Variants in ABCA8 observed in about 807,000 individuals in gnomAD.
The protein encoded by ABCA8 is ATP binding cassette subfamily A member 8.
Under a neutral mutation model 192.3 loss-of-function variants are expected in ABCA8, and 177 were observed. The ratio of observed to expected loss-of-function variants is 0.92; its 90% confidence interval spans 0.81 to 1.04. The LOEUF (loss-of-function observed/expected upper bound fraction) is 1.04. Ranked by LOEUF, ABCA8 falls within the 50% of genes least tolerant of loss-of-function variation. The probability of loss-of-function intolerance (pLI) is 0.00; values close to 1 mark genes in which losing one functional copy is unlikely to be tolerated. For missense variants in ABCA8, 1,915 were observed against 1,904.8 expected (o/e 1.01, Z -0.10); for synonymous variants, 642 against 690.2 (o/e 0.93, Z 1.09).
chr17:68,916,960 A>G (rs2067385471), intron 17 of ABCA8, among the ~76,000 whole-genome samples: 1 of 152,228 alleles, frequency 6.6e-6, no homozygotes, highest in African/African-American at 2.4e-5. Context: ...GTTTGTACAA[A>G]CACCTGTGTA....
chr17:68,920,417 TA>T (rs2067501745), intron 13 of ABCA8, among the ~76,000 whole-genome samples: 1 of 135,988 alleles, frequency 7.4e-6, no homozygotes, highest in Non-Finnish European at 1.6e-5. Context: ...TTTTAAAAAA[TA>T]AAAAAATAAA....
chr17:68,916,734 G>A (rs542858637), intron 17 of ABCA8, among the ~76,000 whole-genome samples: 15 of 152,034 alleles, frequency 9.9e-5, no homozygotes, highest in Non-Finnish European at 1.6e-4. Flanking sequence ...TTAACACCCT[G>A]GGAAGATGAG....
chr17:68,910,564 A>G (rs2067207482), intron 17 of ABCA8, among the ~76,000 whole-genome samples: 2 of 152,260 alleles, frequency 1.3e-5, no homozygotes, highest in African/African-American at 4.8e-5. Context: ...CTCAAAGCCA[A>G]TGGACTTGGG....
chr17:68,899,034 A>G (rs1249359726), intron 21 of ABCA8, among the ~76,000 whole-genome samples: 1 of 152,114 alleles, frequency 6.6e-6, no homozygotes, highest in Non-Finnish European at 1.5e-5. Flanking sequence ...TAAGTAGATT[A>G]AAATAAGATG....
chr17:68,892,228 C>T (rs1377283847), intron 23 of ABCA8, among the ~76,000 whole-genome samples: 1 of 152,154 alleles, frequency 6.6e-6, no homozygotes, highest in East Asian at 1.9e-4. Context: ...TTTGATTAAA[C>T]ACATTACTGA....
chr17:68,921,297 A>G (rs1337934679), intron 13 of ABCA8, 85 bp downstream of exon 13: 11 of 821,588 alleles, frequency 1.3e-5, no homozygotes, highest in Non-Finnish European at 2.1e-5. Context: ...ACATGTATAC[A>G]TATGTAACTA....
chr17:68,907,780 A>G lies in ABCA8; in HGVS notation c.2238T>C (p.Leu746=). 6.2e-7 allele frequency: 1 copy of G among 1,608,882 alleles called. No homozygotes were observed. The highest frequency in any genetic ancestry group is 8.5e-7 in the Non-Finnish European group (1 of 1,177,826). Residue 746 remains leucine, a synonymous_variant, in exon 18 of 40, where the codon CTT becomes CTC. Transcript: ENST00000586539. ...TTCTTTCTAAGGGTAATGTATAAAT[A>G]AGTTTTCCTTCGCTTTTGGCTGATA... The part of the protein sequence containing the change: ...AKLSAKSEGK[L]IYTLPLERTN...
chr17:68,873,389 C>T (rs557152221), intron 37 of ABCA8, among the ~76,000 whole-genome samples: 8 of 152,166 alleles, frequency 5.3e-5, no homozygotes, highest in African/African-American at 7.2e-5. Context: ...AATTGCTTAA[C>T]GACCCATTTC....
At chr17:68,877,753 T>A in intron 32 of ABCA8, 74 bp from the exon 33 acceptor site, 1 of 1,435,314 alleles carries the variant, frequency 7.0e-7, no homozygotes, top group East Asian at 2.4e-5. Flanking sequence ...CATCATTCTC[T>A]TCACGAACCT....
intron 17 of ABCA8, among the ~76,000 whole-genome samples, chr17:68,912,062 C>T (rs2067238670): frequency 1.3e-5 from 2 of 152,112 alleles, no homozygotes. Flanking sequence ...CACTGATGAA[C>T]ATCCACAAGC....
In ABCA8 at chr17:68,940,849, A is replaced by T; in HGVS notation, c.210T>A (p.Phe70Leu). ...ATACAACAGAAAATCTGGATTCATT[A>T]AATGTATCTACCCGTCCCAGGTCCA... Reference protein sequence around the residue: ...LTMDLGRVDTFNESRFSVVYT... With the variant: ...LTMDLGRVDTLNESRFSVVYT... The change falls in exon 4 of 40, where the codon TTT becomes TTA. Residue 70 changes from phenylalanine to leucine, a missense_variant. Physicochemically the swap from Phe to Leu is conservative, Grantham distance 22. Transcript: ENST00000586539. 6 of 1,613,484 alleles carry T rather than the reference A, an allele frequency of 3.7e-6. No individual in the cohort carries two copies. The highest frequency in any genetic ancestry group is 5.1e-6 in the Non-Finnish European group (6 of 1,179,528).
intron 24 of ABCA8, among the ~76,000 whole-genome samples, chr17:68,887,901 T>TCTCC (rs1374001244): frequency 1.8e-4 from 10 of 56,212 alleles, no homozygotes; most frequent in African/African-American, 1.4e-3. Flanking sequence ...TATATATATA[T>TCTCC]ATATATCCAT....
rs577395753 is a variant in ABCA8, at chr17:68,922,159, A to AAT, written c.1501+81_1501+82dup. Reference sequence around the variant, plus strand: ...AAAACTGAATTAAAATCAGGAAATCAATACTAATATAACAAATATTTTCTT... The same window carrying AAT: ...AAAACTGAATTAAAATCAGGAAATCAATATACTAATATAACAAATATTTTCTT... On this transcript the variant is annotated intron_variant, in intron 12 of 39. Coordinates refer to ENST00000586539, the MANE Select transcript of ABCA8 (RefSeq NM_001288985.2). The AAT allele has an allele frequency of 8.8e-5, 80 of 911,196 alleles. No individual in the cohort carries two copies. In the African/African-American group the frequency reaches 1.2e-3, roughly 13 times the overall value. The allele number at this position is 911,196 out of a possible 1,614,324, so 56.4% of individuals were successfully genotyped here. A position where few individuals can be genotyped will look rare whatever the true frequency, so the allele number is the denominator to read the frequency against.
Position 68,929,179 on chromosome 17 carries a change from A to G in ABCA8, c.995T>C (p.Leu332Pro). 1 of 1,610,038 alleles carries G rather than the reference A, an allele frequency of 6.2e-7. No individual in the cohort carries two copies. The highest frequency in any genetic ancestry group is 8.5e-7 in the Non-Finnish European group (1 of 1,177,900). ...AAAGACAGTGAGGAGGAACACGACC[A>G]GGCCGGTGAGGAAAGATTTCTTTAC... ...ILVKKSFLTG[L>P]VVFLLTVFWG... The change falls in exon 9 of 40, where the codon CTG (leucine) becomes CCG (proline). Residue 332 changes from leucine to proline, a missense_variant. Physicochemically the swap from Leu to Pro is moderately conservative, Grantham distance 98. Coordinates refer to ENST00000586539, the MANE Select transcript of ABCA8 (RefSeq NM_001288985.2).
At chr17:68,921,731 G>C (rs907415889) in intron 12 of ABCA8, among the ~76,000 whole-genome samples, 10 of 152,090 alleles carry the variant, frequency 6.6e-5, no homozygotes, top group African/African-American at 2.2e-4. Flanking sequence ...TAGTTTAAAT[G>C]AATGAAACAT....
At position 68,911,512 on chromosome 17, in the gene ABCA8, G is replaced by A. The variant is rs2067226877; in HGVS notation, c.2139-3633C>T. On this transcript the variant is annotated intron_variant, in intron 17 of 39. Coordinates refer to ENST00000586539, the MANE Select transcript of ABCA8 (RefSeq NM_001288985.2). The surrounding 1 kb of genome is among the most constrained non-coding windows in gnomAD (Gnocchi z 5.7). ...CCCACCCTGGGCCAGTGGGAAGCTTGCCACCATAAAGGGAAGGACACAGGC... is the reference window on the plus strand; with the variant it reads ...CCCACCCTGGGCCAGTGGGAAGCTTACCACCATAAAGGGAAGGACACAGGC... Among the ~76,000 whole-genome samples, 1 of 152,006 alleles carries A rather than the reference G, an allele frequency of 6.6e-6. No homozygotes were observed. Among genetic ancestry groups the A allele is most frequent in the Non-Finnish European group, 1.5e-5 (1 of 67,992 alleles).
chr17:68,921,563 A>T, intron 12 of ABCA8, 71 bp from the exon 13 acceptor site: 1 of 934,372 alleles, frequency 1.1e-6, no homozygotes, highest in Non-Finnish European at 1.6e-6. Flanking sequence ...CACAAAAAAT[A>T]TTCCATTATG....
intron 17 of ABCA8, among the ~76,000 whole-genome samples, chr17:68,908,744 T>G (rs1340390309): frequency 6.6e-6 from 1 of 152,160 alleles, no homozygotes; most frequent in Non-Finnish European, 1.5e-5. Context: ...GGTTATAAAT[T>G]ATACAGTGGG....
At chr17:68,907,955 C>T in intron 17 of ABCA8, 76 bp from the exon 18 acceptor site, 1 of 1,243,394 alleles carries the variant, frequency 8.0e-7, no homozygotes. Context: ...ATTAACTAGT[C>T]TCTATAGGAC....
Sources: allele counts gnomAD v4.1 joint callset (sites outside exome capture counted in the v4.1 genomes callset), GRCh38; gene constraint gnomAD v4.1.1; non-coding constraint Gnocchi (gnomAD v3.1); transcripts MANE v1.5; gene names NCBI Gene and HGNC (gene_info 2026-07-23, HGNC 2026-07-21).